GPC6: variants seen among roughly 807,000 people sequenced by gnomAD.
GPC6 encodes glypican-6.
Under a neutral mutation model 55.2 loss-of-function variants are expected in GPC6, and 14 were observed. The observed-to-expected ratio is 0.25, with a 90% CI of 0.17 to 0.40. The LOEUF is 0.40. Among genes scored for constraint, GPC6 ranks in the 10% least tolerant of loss-of-function variants. The pLI is 1.00. For missense variants in GPC6, 641 were observed against 708.5 expected, an observed-to-expected ratio of 0.90 and a Z score of 1.08; for synonymous variants, 278 against 259.6, an observed-to-expected ratio of 1.07 and a Z score of -0.68.
chr13:93,726,320 T>C (rs1184122528), intron 2 of GPC6, among the ~76,000 whole-genome samples: 1 of 152,072 alleles, frequency 6.6e-6, no homozygotes, highest in Non-Finnish European at 1.5e-5. Flanking sequence ...GAAATAGCTC[T>C]TTGTCAGTTT....
Position 93,993,362 on chromosome 13 carries a change from C to T in GPC6, c.712-34367C>T, listed in dbSNP as rs1266409534. Among the ~76,000 whole-genome samples, 6 of 150,554 alleles carry T rather than the reference C, an allele frequency of 4.0e-5. No homozygotes were observed. The East Asian group carries it at 1.2e-3, about 30-fold the overall frequency. ...GGCTGAGAGCGCGGTGGCACAGTCTCAGCTCACTGCAACCTCCGCCTCCTG... is the reference window on the plus strand; with the variant it reads ...GGCTGAGAGCGCGGTGGCACAGTCTTAGCTCACTGCAACCTCCGCCTCCTG... On this transcript the variant is annotated intron_variant, in intron 3 of 8. Transcript: ENST00000377047.
chr13:93,690,019 T>C (rs1385982134), intron 2 of GPC6, among the ~76,000 whole-genome samples: 1 of 152,132 alleles, frequency 6.6e-6, no homozygotes, highest in African/African-American at 2.4e-5. Flanking sequence ...TGGGAAAATT[T>C]AGCATTTAGT....
At chr13:94,070,174 G>C (rs1455028967) in intron 4 of GPC6, among the ~76,000 whole-genome samples, 1 of 152,190 alleles carries the variant, frequency 6.6e-6, no homozygotes, top group Non-Finnish European at 1.5e-5. Context: ...ATGGCGGCAG[G>C]CAAAGAGAGA....
intron 4 of GPC6, among the ~76,000 whole-genome samples, chr13:94,147,630 C>A (rs746417216): frequency 2.0e-5 from 3 of 152,146 alleles, no homozygotes; most frequent in African/African-American, 7.2e-5. Flanking sequence ...GCACACTGAA[C>A]TGACACTGGA....
chr13:93,926,521 G>A (rs1481714933), intron 3 of GPC6, among the ~76,000 whole-genome samples: 1 of 152,108 alleles, frequency 6.6e-6, no homozygotes, highest in Admixed American at 6.5e-5. Flanking sequence ...GGTAAAAATT[G>A]CTTAGGGCTA....
chr13:93,614,416 A>G (rs1566450451), intron 2 of GPC6, among the ~76,000 whole-genome samples: 1 of 151,590 alleles, frequency 6.6e-6, no homozygotes, highest in African/African-American at 2.4e-5. Flanking sequence ...AGACTCCTCT[A>G]CCACATGGAA....
At chr13:93,276,031 T>C (rs1203168446) in intron 1 of GPC6, among the ~76,000 whole-genome samples, 1 of 152,006 alleles carries the variant, frequency 6.6e-6, no homozygotes, top group Non-Finnish European at 1.5e-5. Context: ...CCCGCCACCA[T>C]GCCCGGCTAA....
At chr13:93,496,811 T>C (rs1019129491) in intron 1 of GPC6, among the ~76,000 whole-genome samples, 12 of 152,236 alleles carry the variant, frequency 7.9e-5, no homozygotes, top group Non-Finnish European at 8.8e-5. Context: ...AATAAGTTAA[T>C]ATTTGTGAAG....
At chr13:93,888,838 G>T (rs549039263) in intron 3 of GPC6, among the ~76,000 whole-genome samples, 1 of 152,120 alleles carries the variant, frequency 6.6e-6, no homozygotes, top group Admixed American at 6.6e-5. Flanking sequence ...GCCATAGGGA[G>T]GTCTTGACTA....
intron 1 of GPC6, among the ~76,000 whole-genome samples, chr13:93,262,125 C>T (rs1877170282): frequency 6.6e-6 from 1 of 152,038 alleles, no homozygotes; most frequent in African/African-American, 2.4e-5. Context: ...TGGACAAATT[C>T]CTAGTCCTTC....
intron 1 of GPC6, among the ~76,000 whole-genome samples, chr13:93,367,450 T>C (rs922452907): frequency 6.6e-6 from 1 of 152,084 alleles, no homozygotes; most frequent in Non-Finnish European, 1.5e-5. Context: ...TTCTATTTCG[T>C]TGGTTTCTGC....
chr13:93,824,556 T>C (rs1887166474), intron 2 of GPC6, among the ~76,000 whole-genome samples: 1 of 151,290 alleles, frequency 6.6e-6, no homozygotes, highest in South Asian at 2.1e-4. Context: ...GGAGAGAAAG[T>C]CAAGCTCTGG....
At chr13:93,462,604 GAA>G (rs3217545) in intron 1 of GPC6, among the ~76,000 whole-genome samples, 4 of 118,282 alleles carry the variant, frequency 3.4e-5, no homozygotes, top group Admixed American at 2.4e-4. Flanking sequence ...AAAGTTGGAA[GAA>G]AAAAAAAATC....
At chr13:93,579,987 A>T (rs1339571883) in intron 2 of GPC6, among the ~76,000 whole-genome samples, 3 of 152,156 alleles carry the variant, frequency 2.0e-5, no homozygotes, top group Non-Finnish European at 4.4e-5. Flanking sequence ...TCAGAAGTAA[A>T]ATGTACTCTG....
chr13:93,494,050 A>G, intron 1 of GPC6, among the ~76,000 whole-genome samples: 1 of 127,492 alleles, frequency 7.8e-6, no homozygotes. Context: ...CGCTTGGTGC[A>G]GCGCTGAGTT....
chr13:93,604,229 T>C (rs2139528779), intron 2 of GPC6, among the ~76,000 whole-genome samples: 1 of 152,334 alleles, frequency 6.6e-6, no homozygotes, highest in East Asian at 1.9e-4. Context: ...TCAAGCAATA[T>C]GAATGGCCAT....
intron 4 of GPC6, among the ~76,000 whole-genome samples, chr13:94,227,101 G>A (rs1391098270): frequency 6.6e-6 from 1 of 152,206 alleles, no homozygotes; most frequent in Non-Finnish European, 1.5e-5. Flanking sequence ...AACTCACTGT[G>A]TAGAGGATTT....
chr13:94,210,559 A>G (rs1473436083), intron 4 of GPC6, among the ~76,000 whole-genome samples: 1 of 152,216 alleles, frequency 6.6e-6, no homozygotes, highest in Non-Finnish European at 1.5e-5. Context: ...TCATATATAC[A>G]TGAAATTGTA....
At chr13:93,935,269 C>T (rs1878378527) in intron 3 of GPC6, among the ~76,000 whole-genome samples, 1 of 152,140 alleles carries the variant, frequency 6.6e-6, no homozygotes, top group Non-Finnish European at 1.5e-5. Context: ...CCCTCCCATC[C>T]TCCCCACTTT....
Sources: gnomAD v4.1 joint callset for allele counts (sites outside exome capture counted in the v4.1 genomes callset) on GRCh38, gnomAD v4.1.1 for gene constraint, MANE v1.5 for transcripts, NCBI Gene and HGNC (gene_info 2026-07-23, HGNC 2026-07-21) for gene names.